LEPR: variants seen among roughly 807,000 people sequenced by gnomAD.
The protein encoded by LEPR is leptin receptor.
Under a neutral mutation model 114.7 loss-of-function variants are expected in LEPR, and 56 were observed. That is an observed-to-expected ratio of 0.49 (90% confidence interval 0.39 to 0.61). LEPR has a LOEUF of 0.61. Among genes scored for constraint, LEPR ranks in the 20% least tolerant of loss-of-function variants. The pLI is 0.00. For synonymous variants in LEPR, 443 were observed against 461.4 expected (o/e 0.96, Z 0.51); for missense variants, 1,202 against 1,352.9 (o/e 0.89, Z 1.75).
Position 65,559,703 on chromosome 1 carries a change from A to C in LEPR, c.-20-5843A>C, listed in dbSNP as rs1260028726. On this transcript the variant is annotated intron_variant, in intron 2 of 19. Transcript: ENST00000349533. ...TTTTAGGTCTAACGTTTAAATCTTT[A>C]ATCCATCTTGAATTGATTTTTGTGT... Among the ~76,000 whole-genome samples, 363 of 132,860 alleles carry C rather than the reference A, an allele frequency of 2.7e-3. 2 individuals carry two copies. Among genetic ancestry groups the C allele is most frequent in the African/African-American group, 0.01 (347 of 34,298 alleles). 87.2% of individuals were successfully genotyped at this position (132,860 alleles called of 152,430 possible).
intron 5 of LEPR, among the ~76,000 whole-genome samples, chr1:65,582,733 C>A (rs1020204069): frequency 6.6e-6 from 1 of 152,106 alleles, no homozygotes; most frequent in Non-Finnish European, 1.5e-5. Context: ...TTCTGAGTCC[C>A]ATCTCTTATT....
intron 2 of LEPR, among the ~76,000 whole-genome samples, chr1:65,465,785 T>C (rs529207493): frequency 1.3e-5 from 2 of 152,336 alleles, no homozygotes; most frequent in South Asian, 4.1e-4. Context: ...CGTAGTGGCC[T>C]TCTTTGCCTC....
chr1:65,551,719 G>A (rs1652380327), intron 2 of LEPR, among the ~76,000 whole-genome samples: 1 of 152,044 alleles, frequency 6.6e-6, no homozygotes, highest in Non-Finnish European at 1.5e-5. Context: ...GTTCTGCCCT[G>A]ATCTTAGTTA....
chr1:65,431,791 C>T, intron 2 of LEPR: 3 of 1,608,682 alleles, frequency 1.9e-6, no homozygotes, highest in Non-Finnish European at 2.5e-6. Flanking sequence ...TCCTTCTTTT[C>T]TTGTCTTTCA....
At chr1:65,508,144 C>T (rs939066630) in intron 2 of LEPR, among the ~76,000 whole-genome samples, 1 of 152,036 alleles carries the variant, frequency 6.6e-6, no homozygotes, top group African/African-American at 2.4e-5. Flanking sequence ...TGGGTTGTTT[C>T]TTTACTCTTT....
Position 65,509,003 on chromosome 1 carries a change from A to G in LEPR, c.-20-56543A>G, listed in dbSNP as rs534087212. On this transcript the variant is annotated intron_variant, in intron 2 of 19. Coordinates refer to ENST00000349533, the MANE Select transcript of LEPR (RefSeq NM_002303.6). ...TTTTCAGTTAGTTTATGGTTTGTCT[A>G]TAGGAATGCTACTGATTTTTGTAGG... is the stretch of plus-strand genomic sequence containing the variant. Among the ~76,000 whole-genome samples, 100 of 152,108 alleles carry G rather than the reference A, an allele frequency of 6.6e-4. 1 individual carries two copies. Among genetic ancestry groups the G allele is most frequent in the African/African-American group, 2.2e-3 (93 of 41,498 alleles).
intron 2 of LEPR, among the ~76,000 whole-genome samples, chr1:65,503,497 C>T (rs573201966): frequency 1.3e-5 from 2 of 151,568 alleles, no homozygotes; most frequent in East Asian, 1.9e-4. Context: ...TATGTAAGCA[C>T]GGTAATCTAG....
Position 65,525,857 on chromosome 1 carries a change from C to T in LEPR, c.-20-39689C>T. Reference sequence around the variant, plus strand: ...CCCTCTCCGACACCCCCTATTGCCACCTCTTCCCGCTCTGGGTAACTCGAG... The same window carrying T: ...CCCTCTCCGACACCCCCTATTGCCATCTCTTCCCGCTCTGGGTAACTCGAG... On this transcript the variant is annotated intron_variant, in intron 2 of 19. Coordinates refer to ENST00000349533, the MANE Select transcript of LEPR (RefSeq NM_002303.6). 3.1e-6 allele frequency: 3 copies of T among 981,028 alleles called. No individual in the cohort carries two copies. In the South Asian group the frequency reaches 1.4e-4, roughly 46 times the overall value. The allele number at this position is 981,028 out of a possible 1,614,324, so 60.8% of individuals were successfully genotyped here.
At chr1:65,451,146 A>T (rs953791936) in intron 2 of LEPR, among the ~76,000 whole-genome samples, 9 of 152,174 alleles carry the variant, frequency 5.9e-5, no homozygotes, top group East Asian at 5.8e-4. Context: ...CTTGTAAATT[A>T]CTTTGAGTTC....
intron 11 of LEPR, among the ~76,000 whole-genome samples, chr1:65,606,267 G>C (rs1466086001): frequency 6.6e-6 from 1 of 151,994 alleles, no homozygotes; most frequent in East Asian, 1.9e-4. Flanking sequence ...AATATCCCAG[G>C]ATAGCAAGGA....
At chr1:65,580,197 C>T (rs1466687512) in intron 5 of LEPR, among the ~76,000 whole-genome samples, 2 of 152,072 alleles carry the variant, frequency 1.3e-5, no homozygotes, top group Admixed American at 6.5e-5. Context: ...TTGTTTGGCT[C>T]TTAAGGCAAT....
chr1:65,485,715 T>C (rs1647451500), intron 2 of LEPR, among the ~76,000 whole-genome samples: 1 of 152,194 alleles, frequency 6.6e-6, no homozygotes, highest in African/African-American at 2.4e-5. Context: ...CAATAGATCC[T>C]ATAGTGCTTC....
chr1:65,519,973 C>T (rs1649547688), intron 2 of LEPR, among the ~76,000 whole-genome samples: 1 of 152,058 alleles, frequency 6.6e-6, no homozygotes, highest in Non-Finnish European at 1.5e-5. Flanking sequence ...ATGCCATTCT[C>T]CTGCCTCAGC....
At chr1:65,575,487 C>T (rs1257057324) in intron 5 of LEPR, among the ~76,000 whole-genome samples, 3 of 151,364 alleles carry the variant, frequency 2.0e-5, no homozygotes, top group Admixed American at 1.3e-4. Context: ...TCCTTTATTT[C>T]ATGTGTATGT....
intron 6 of LEPR, among the ~76,000 whole-genome samples, chr1:65,595,177 G>A (rs74837371): frequency 6.6e-6 from 1 of 151,674 alleles, no homozygotes; most frequent in Admixed American, 6.6e-5. Context: ...TGCTGCAGGG[G>A]TGGCATTAGC....
chr1:65,548,742 T>C (rs530132797), intron 2 of LEPR, among the ~76,000 whole-genome samples: 30 of 152,060 alleles, frequency 2.0e-4, no homozygotes, highest in African/African-American at 7.2e-4. Context: ...AGCACACTGA[T>C]GGGTCTTGAC....
At position 65,420,673 on chromosome 1, in the gene LEPR, GC is replaced by G; in HGVS notation, c.-161del. ...ACTCCCGGTCTGGCTTGGGCAGGCT[GC>G]CCGGGCCGTGGCAGGAAGCCGGAAG... On this transcript the variant is annotated 5_prime_UTR_variant, in exon 1 of 20. Transcript: ENST00000349533. 1 of 1,560,168 alleles carries G rather than the reference GC, an allele frequency of 6.4e-7. No individual in the cohort carries two copies. The highest frequency in any genetic ancestry group is 8.7e-7 in the Non-Finnish European group (1 of 1,153,526).
chr1:65,628,401 C>T (rs747266288), intron 19 of LEPR, among the ~76,000 whole-genome samples: 11 of 152,134 alleles, frequency 7.2e-5, no homozygotes, highest in Non-Finnish European at 1.3e-4. Context: ...CCACTATTTC[C>T]GGTCCCTCCT....
intron 2 of LEPR, among the ~76,000 whole-genome samples, chr1:65,473,587 G>C (rs1174000655): frequency 6.6e-6 from 1 of 152,104 alleles, no homozygotes; most frequent in Non-Finnish European, 1.5e-5. Flanking sequence ...CATGGATTTA[G>C]GTAGATTTGA....
Sources: gnomAD v4.1 joint callset for allele counts (sites outside exome capture counted in the v4.1 genomes callset) on GRCh38, gnomAD v4.1.1 for gene constraint, MANE v1.5 for transcripts, NCBI Gene and HGNC (gene_info 2026-07-23, HGNC 2026-07-21) for gene names.